The following HEATR6 variants were observed in gnomAD, a reference collection of about 807,000 sequenced individuals.
HEATR6 encodes the protein HEAT repeat containing 6.
A neutral mutation model predicts 132.8 loss-of-function variants in HEATR6; 106 were observed. The observed-to-expected ratio is 0.80, with a 90% CI of 0.68 to 0.94. The LOEUF (loss-of-function observed/expected upper bound fraction) is 0.94. Among genes scored for constraint, HEATR6 ranks in the 40% least tolerant of loss-of-function variants. The pLI is 0.00. For synonymous variants in HEATR6, 529 were observed against 537.8 expected, an observed-to-expected ratio of 0.98 and a Z score of 0.23; for missense variants, 1,339 against 1,425.1, an observed-to-expected ratio of 0.94 and a Z score of 0.97.
At chr17:60,057,869 C>T (rs1906804059) in intron 11 of HEATR6, among the ~76,000 whole-genome samples, 1 of 151,850 alleles carries the variant, frequency 6.6e-6, no homozygotes, top group African/African-American at 2.4e-5. Context: ...TCCAGCTGTT[C>T]CAGCACCAAT....
Position 60,043,691 on chromosome 17 carries a change from C to T in HEATR6, c.3418G>A (p.Gly1140Ser). The change falls in exon 20 of 20, where the codon GGC becomes AGC. Residue 1140 changes from glycine to serine, a missense_variant. Gly to Ser is a moderately conservative substitution (Grantham distance 56, BLOSUM62 0). Coordinates refer to ENST00000184956, the MANE Select transcript of HEATR6 (RefSeq NM_022070.5). ...TCTCCAGTTGGTGCCTGGATGCTGC[C>T]CATGTGTTTAAGGGCCATTCTGACC... ...QMVRMALKHM[G>S]SIQAPTGDTA... The T allele has an allele frequency of 8.7e-6, 14 of 1,614,132 alleles. No homozygotes were observed. The highest frequency in any genetic ancestry group is 1.1e-5 in the Non-Finnish European group (13 of 1,180,022).
intron 16 of HEATR6, among the ~76,000 whole-genome samples, chr17:60,049,128 T>A (rs1348065141): frequency 6.8e-6 from 1 of 147,264 alleles, no homozygotes; most frequent in Non-Finnish European, 1.5e-5. Context: ...AGAGAGTGTG[T>A]GTGTGTGTGT....
At chr17:60,073,110 C>T (rs2083277943) in intron 4 of HEATR6, 54 bp downstream of exon 4, 6 of 1,022,166 alleles carry the variant, frequency 5.9e-6, no homozygotes, top group South Asian at 1.3e-5. Context: ...CTACAAAGGG[C>T]CCAATAGAGG....
intron 14 of HEATR6, among the ~76,000 whole-genome samples, chr17:60,054,585 A>G (rs1019606272): frequency 3.3e-5 from 5 of 152,236 alleles, no homozygotes; most frequent in Admixed American, 6.5e-5. Context: ...TTGGAGCTTT[A>G]AGGTTTAATG....
At chr17:60,073,688 T>C in intron 3 of HEATR6, 58 bp downstream of exon 3, 1 of 1,533,146 alleles carries the variant, frequency 6.5e-7, no homozygotes, top group Admixed American at 1.8e-5. Context: ...AACACAGTGT[T>C]GGCACCAGAG....
In HEATR6 at chr17:60,043,813, C is replaced by T. The variant is rs750656508; in HGVS notation, c.3296G>A (p.Gly1099Glu). The stretch of plus-strand genomic sequence containing the variant: ...TAGAATATAGGACTGGACCATATTC[C>T]CACTCAGTTCAAGGGTTTCTTTCAT... Reference protein sequence around the residue: ...PCMKETLELSGNMVQSYILQF... With the variant: ...PCMKETLELSENMVQSYILQF... Residue 1099 changes from glycine (G) to glutamate (E), a missense_variant, in exon 20 of 20, where the codon GGG (glycine) becomes GAG (glutamate). Physicochemically the swap from Gly to Glu is moderately conservative, Grantham distance 98. Coordinates refer to ENST00000184956, the MANE Select transcript of HEATR6 (RefSeq NM_022070.5). 10 of 1,614,148 alleles carry T rather than the reference C, an allele frequency of 6.2e-6. No individual in the cohort carries two copies. The highest frequency in any genetic ancestry group is 3.3e-4 in the Middle Eastern group (2 of 6,062).
intron 2 of HEATR6, chr17:60,075,497 T>G (rs903011436): frequency 1.3e-5 from 2 of 152,214 alleles, no homozygotes; most frequent in African/African-American, 4.8e-5. Context: ...CAGTCTTAAA[T>G]AAATAACTGG....
chr17:60,059,330 G>T, intron 11 of HEATR6, 92 bp downstream of exon 11: 1 of 691,466 alleles, frequency 1.4e-6, no homozygotes, highest in Non-Finnish European at 2.4e-6. Flanking sequence ...AAAATGCTTT[G>T]AATATATACA....
intron 18 of HEATR6, 121 bp from the exon 19 acceptor site, chr17:60,046,350 CA>C: frequency 1.5e-6 from 1 of 674,088 alleles, no homozygotes; most frequent in Non-Finnish European, 2.5e-6. Flanking sequence ...CCTTGGAACT[CA>C]CAAGGTCTGC....
At chr17:60,047,589 G>C (rs1198443562) in intron 17 of HEATR6, among the ~76,000 whole-genome samples, 184 bp from the exon 18 acceptor site, 1 of 138,312 alleles carries the variant, frequency 7.2e-6, no homozygotes, top group Non-Finnish European at 1.5e-5. Flanking sequence ...ACATAGGAAT[G>C]TCTCAAAAAA....
chr17:60,065,857 A>C (rs530603475), intron 9 of HEATR6, among the ~76,000 whole-genome samples: 58 of 152,208 alleles, frequency 3.8e-4, no homozygotes, highest in Non-Finnish European at 7.8e-4. Flanking sequence ...TGAGTTGTTT[A>C]AGCCATTTCT....
At chr17:60,057,809 A>G (rs1480317880) in intron 11 of HEATR6, among the ~76,000 whole-genome samples, 1 of 152,238 alleles carries the variant, frequency 6.6e-6, no homozygotes, top group East Asian at 1.9e-4. Context: ...AATATTTTTA[A>G]AAAGCTAAAA....
rs1369361282 is a variant in HEATR6, at chr17:60,067,572, T to C, written c.1100A>G (p.Gln367Arg). The C allele has an allele frequency of 6.2e-7, 1 of 1,613,606 alleles. No individual in the cohort carries two copies. The highest frequency in any genetic ancestry group is 2.2e-5 in the East Asian group (1 of 44,810). ...TCCACTTCCATCTAAAGGCAAACTC[T>C]GGACACCCAGGGAGGAGGGACACCA... ...NTWCPSSLGV[Q>R]SLPLDGSGAA... Residue 367 changes from glutamine (Q) to arginine (R), a missense_variant, in exon 8 of 20, where the codon CAG (glutamine) becomes CGG (arginine). Transcript: ENST00000184956.
chr17:60,056,015 G>C (rs920781207), intron 13 of HEATR6, 100 bp downstream of exon 13: 1 of 1,318,078 alleles, frequency 7.6e-7, no homozygotes, highest in Non-Finnish European at 1.0e-6. Flanking sequence ...ACATGTGGCA[G>C]AAGAATATAA....
chr17:60,066,436 TA>T lies in HEATR6; in HGVS notation c.1239-51del, dbSNP rs772327727. On this transcript the variant is annotated intron_variant, in intron 8 of 19. Transcript: ENST00000184956. The stretch of plus-strand genomic sequence containing the variant: ...AAAAACACTTAAAAAATCATTTTTT[TA>T]AAAAAAATGCAAACATGAAATGGTA... 90 of 1,352,638 alleles carry T rather than the reference TA, an allele frequency of 6.7e-5. No individual in the cohort carries two copies. In the East Asian group the frequency reaches 7.2e-4, roughly 11 times the overall value. The allele number at this position is 1,352,638 out of a possible 1,614,324, so 83.8% of individuals were successfully genotyped here. A position where few individuals can be genotyped will look rare whatever the true frequency, so the allele number is the denominator to read the frequency against.
rs2083261038 is a variant in HEATR6, at chr17:60,069,708, T to C, written c.939+3A>G. On this transcript the variant is annotated splice_donor_region_variant and intron_variant, in intron 7 of 19. Coordinates refer to ENST00000184956, the MANE Select transcript of HEATR6 (RefSeq NM_022070.5). ...ACTTAAATCTAAATAAACATAAATG[T>C]ACCAAAGTTGGTCGAGAAGCACTGG... The C allele has an allele frequency of 1.2e-6, 2 of 1,613,488 alleles. No homozygotes were observed. Among genetic ancestry groups the C allele is most frequent in the South Asian group, 1.1e-5 (1 of 90,964 alleles).
chr17:60,070,748 T>A lies in HEATR6; in HGVS notation c.759A>T (p.Leu253=). The change falls in exon 6 of 20, where the codon CTA becomes CTT. Residue 253 remains leucine, a synonymous_variant. Transcript: ENST00000184956. ...QSLLNGGRMK[L]TQTDELGALL... The stretch of plus-strand genomic sequence containing the variant: ...GTGCTCCAAGTTCATCAGTCTGTGT[T>A]AGTTTCATTCTCCCACCATTTAGAA... The A allele has an allele frequency of 6.2e-7, 1 of 1,610,664 alleles. No individual in the cohort carries two copies. The highest frequency in any genetic ancestry group is 8.5e-7 in the Non-Finnish European group (1 of 1,176,856).
At chr17:60,077,822 C>T (rs910905655) in intron 1 of HEATR6, among the ~76,000 whole-genome samples, 2 of 152,160 alleles carry the variant, frequency 1.3e-5, no homozygotes, top group Non-Finnish European at 2.9e-5. Context: ...GTCGCCTTGC[C>T]TGAGGTCTAA....
At chr17:60,076,056 G>C in intron 2 of HEATR6, 74 bp downstream of exon 2, 1 of 847,838 alleles carries the variant, frequency 1.2e-6, no homozygotes, top group Non-Finnish European at 2.0e-6. Flanking sequence ...ACCTACTACA[G>C]ATGTAGTATT....
Sources: gnomAD v4.1 joint callset for allele counts (sites outside exome capture counted in the v4.1 genomes callset) on GRCh38, gnomAD v4.1.1 for gene constraint, MANE v1.5 for transcripts, NCBI Gene and HGNC (gene_info 2026-07-23, HGNC 2026-07-21) for gene names.